NMS: variants seen among roughly 807,000 people sequenced by gnomAD.
NMS encodes the protein neuromedin-S.
A neutral mutation model predicts 32.2 loss-of-function variants in NMS; 30 were observed. The observed-to-expected ratio is 0.93, with a 90% CI of 0.70 to 1.26. The LOEUF is 1.26. Among genes scored for constraint, NMS ranks in the 50% most tolerant of loss-of-function variants. The probability of loss-of-function intolerance (pLI) is 0.00; values close to 1 mark genes in which losing one functional copy is unlikely to be tolerated. For missense variants in NMS, 190 were observed against 186.3 expected (o/e 1.02, Z -0.12); for synonymous variants, 76 against 58.5 (o/e 1.30, Z -1.37).
At position 100,478,548 on chromosome 2, in the gene NMS, C is replaced by T. The variant is rs193269729; in HGVS notation, c.262-805C>T. ...CACGATCTCAGCTCACTGCAATCTC[C>T]GCCTCCCGGCTTCAAGCCATGATCT... On this transcript the variant is annotated intron_variant, in intron 5 of 9. Transcript: ENST00000376865. 2.0e-3 allele frequency among the ~76,000 whole-genome samples: 301 copies of T among 152,234 alleles called. 1 individual carries two copies. The highest frequency in any genetic ancestry group is 6.9e-3 in the Admixed American group (106 of 15,302).
chr2:100,472,164 T>C (rs1677017083), intron 1 of NMS, among the ~76,000 whole-genome samples: 1 of 152,258 alleles, frequency 6.6e-6, no homozygotes, highest in Non-Finnish European at 1.5e-5. Context: ...GTTTTATATT[T>C]ATCCATCTAA....
At chr2:100,483,134 G>T in intron 9 of NMS, 118 bp from the exon 10 acceptor site, 1 of 863,032 alleles carries the variant, frequency 1.2e-6, no homozygotes, top group African/African-American at 1.7e-5. Flanking sequence ...GGGCATTTAT[G>T]ACACTTCAAA....
At chr2:100,481,245 G>A in intron 8 of NMS, 78 bp downstream of exon 8, 3 of 1,322,518 alleles carry the variant, frequency 2.3e-6, no homozygotes, top group Non-Finnish European at 2.2e-6. Flanking sequence ...ACTGCAAACA[G>A]CAGAGCCAGG....
At chr2:100,481,201 C>G (rs748340898) in intron 8 of NMS, 34 bp downstream of exon 8, 1 of 1,600,446 alleles carries the variant, frequency 6.2e-7, no homozygotes, top group Non-Finnish European at 8.6e-7. Flanking sequence ...GCTTTCTAAC[C>G]TCGATTCACT....
intron 6 of NMS, 121 bp downstream of exon 6, chr2:100,479,548 T>A: frequency 1.2e-6 from 1 of 862,662 alleles, no homozygotes; most frequent in Non-Finnish European, 1.8e-6. Flanking sequence ...GTCTCCACCT[T>A]GGCAGGGAGC....
At position 100,481,140 on chromosome 2, in the gene NMS, C is replaced by T. The variant is rs766239308; in HGVS notation, c.387C>T (p.Thr129=). The T allele has an allele frequency of 5.8e-5, 94 of 1,614,012 alleles. No homozygotes were observed. The highest frequency in any genetic ancestry group is 7.8e-5 in the Non-Finnish European group (92 of 1,179,998). ...VDFTKKDHTA[T]WGRPFFLFRP... ...ATATGTTGCAGGATCACACTGCGAC[C>T]TGGGGACGACCCTTTTTCCTTTTCA... The change falls in exon 8 of 10, where the codon ACC becomes ACT. Residue 129 remains threonine (T), a synonymous_variant. Transcript: ENST00000376865.
chr2:100,474,042 G>T (rs533855150), intron 3 of NMS, among the ~76,000 whole-genome samples: 6 of 152,198 alleles, frequency 3.9e-5, no homozygotes, highest in African/African-American at 1.4e-4. Context: ...GCCGGGCAAG[G>T]TGGCGCATAC....
intron 7 of NMS, 33 bp downstream of exon 7, chr2:100,480,564 A>G (rs1677198810): frequency 6.2e-7 from 1 of 1,611,346 alleles, no homozygotes; most frequent in Non-Finnish European, 8.5e-7. Context: ...GCGACCCCCA[A>G]AGAAAGCCCT....
intron 6 of NMS, among the ~76,000 whole-genome samples, chr2:100,479,786 C>T (rs1480646000): frequency 1.3e-5 from 2 of 152,248 alleles, no homozygotes; most frequent in Non-Finnish European, 2.9e-5. Context: ...ATATCTTCTG[C>T]TTCCCATTGC....
At chr2:100,482,148 C>A in intron 8 of NMS, 129 bp from the exon 9 acceptor site, 1 of 888,794 alleles carries the variant, frequency 1.1e-6, no homozygotes, top group Non-Finnish European at 1.9e-6. Flanking sequence ...GGTGAGTCCC[C>A]ATGGAGGGGA....
intron 7 of NMS, 59 bp downstream of exon 7, chr2:100,480,590 G>T (rs1410922452): frequency 1.3e-6 from 2 of 1,580,134 alleles, no homozygotes; most frequent in Non-Finnish European, 8.7e-7. Flanking sequence ...AGAAGGGTGG[G>T]GAAGTCCTTG....
rs554544143 is a variant in NMS at position 100,473,389 on chromosome 2, C to T, written c.133-100C>T. ...CTCTACTGAATTATCAAACACCAGG[C>T]CTTGTTTCTTCTATCTAATTGTATT... On this transcript the variant is annotated intron_variant, in intron 2 of 9. Coordinates refer to ENST00000376865, the MANE Select transcript of NMS (RefSeq NM_001011717.1). 10 of 488,828 alleles carry T rather than the reference C, an allele frequency of 2.0e-5. No homozygotes were observed. The South Asian group carries it at 5.8e-4, about 28-fold the overall frequency. 30.3% of individuals were successfully genotyped at this position (488,828 alleles called of 1,614,324 possible).
rs769930547 is a variant in NMS, at chr2:100,483,248, T to G, written c.450-4T>G. 3.1e-6 allele frequency: 5 copies of G among 1,612,380 alleles called. No homozygotes were observed. The highest frequency in any genetic ancestry group is 8.5e-7 in the Non-Finnish European group (1 of 1,178,998). ...AGCAGTGCATTTTTCTTTTCTTTTT[T>G]TAGGATTCAGTGGTGAAAGAAAGCT... is the stretch of plus-strand genomic sequence containing the variant. On this transcript the variant is annotated splice_region_variant and splice_polypyrimidine_tract_variant and intron_variant, in intron 9 of 9. Coordinates refer to ENST00000376865, the MANE Select transcript of NMS (RefSeq NM_001011717.1).
In NMS at chr2:100,479,386, GC is replaced by G. The variant is rs1480054036; in HGVS notation, c.297del (p.Lys100SerfsTer7). On this transcript the variant is annotated frameshift_variant, in exon 6 of 10. Coordinates refer to ENST00000376865, the MANE Select transcript of NMS (RefSeq NM_001011717.1). LOFTEE classifies it high-confidence loss of function. The part of the protein sequence containing the change: ...PPVHPLMHLA[A>X]KLANRRMKRI... ...AGTGCATCCTCTAATGCACCTGGCT[GC>G]CAAGCTCGCCAACAGGCGGATGAAG... 6.2e-7 allele frequency: 1 copy of G among 1,611,264 alleles called. No homozygotes were observed. The highest frequency in any genetic ancestry group is 2.2e-5 in the East Asian group (1 of 44,704).
chr2:100,474,160 A>G (rs1573234221), intron 3 of NMS, among the ~76,000 whole-genome samples: 1 of 152,214 alleles, frequency 6.6e-6, no homozygotes, highest in Non-Finnish European at 1.5e-5. Flanking sequence ...GCAAGACTCT[A>G]TCTCACCAAA....
chr2:100,480,745 A>C (rs999696803), intron 7 of NMS, among the ~76,000 whole-genome samples: 1 of 152,158 alleles, frequency 6.6e-6, no homozygotes, highest in Non-Finnish European at 1.5e-5. Context: ...CTGGCTGTTC[A>C]TATTTCACCT....
At position 100,477,241 on chromosome 2, in the gene NMS, C is replaced by T; in HGVS notation, c.184-3C>T. 1 of 1,613,232 alleles carries T rather than the reference C, an allele frequency of 6.2e-7. No individual in the cohort carries two copies. Among genetic ancestry groups the T allele is most frequent in the Non-Finnish European group, 8.5e-7 (1 of 1,179,228 alleles). ...TAACTTACCCTCACAATTCTCTTTCCAGGATAATCAAGACATATACAAAAG... is the reference window on the plus strand; with the variant it reads ...TAACTTACCCTCACAATTCTCTTTCTAGGATAATCAAGACATATACAAAAG... On this transcript the variant is annotated splice_region_variant and splice_polypyrimidine_tract_variant and intron_variant, in intron 3 of 9. Coordinates refer to ENST00000376865, the MANE Select transcript of NMS (RefSeq NM_001011717.1).
chr2:100,474,919 C>T (rs1238267371), intron 3 of NMS, among the ~76,000 whole-genome samples: 1 of 152,154 alleles, frequency 6.6e-6, no homozygotes, highest in Non-Finnish European at 1.5e-5. Context: ...GTTCTTCATC[C>T]CTTTGTTACT....
At chr2:100,474,047 G>T (rs553605424) in intron 3 of NMS, among the ~76,000 whole-genome samples, 1 of 151,950 alleles carries the variant, frequency 6.6e-6, no homozygotes, top group South Asian at 2.1e-4. Context: ...GCAAGGTGGC[G>T]CATACCTGTA....
Sources: allele counts gnomAD v4.1 joint callset (sites outside exome capture counted in the v4.1 genomes callset), GRCh38; gene constraint gnomAD v4.1.1; transcripts MANE v1.5; gene names NCBI Gene and HGNC (gene_info 2026-07-23, HGNC 2026-07-21).